The following UNC45A variants were observed in gnomAD, a reference collection of about 807,000 sequenced individuals.
UNC45A encodes the protein protein unc-45 homolog A.
Under a neutral mutation model 103.2 loss-of-function variants are expected in UNC45A, and 78 were observed. The observed-to-expected ratio is 0.76, with a 90% CI of 0.63 to 0.91. UNC45A has a LOEUF of 0.91. UNC45A is among the 40% of genes least tolerant of loss of function. The pLI, the probability that UNC45A is intolerant of heterozygous loss-of-function variation, is 0.00. For missense variants in UNC45A, 1,193 were observed against 1,224.8 expected, an observed-to-expected ratio of 0.97 and a Z score of 0.39; for synonymous variants, 495 against 504.6, an observed-to-expected ratio of 0.98 and a Z score of 0.25.
chr15:90,932,405 G>T, upstream of UNC45A: 1 of 1,302,492 alleles, frequency 7.7e-7, no homozygotes. Context: ...GCCGCAGCCG[G>T]CGCTCCGCGG....
chr15:90,936,607 A>C, intron 4 of UNC45A, 147 bp downstream of exon 4: 1 of 927,496 alleles, frequency 1.1e-6, no homozygotes, highest in East Asian at 2.7e-5. Context: ...ATGACAGCAC[A>C]TTACTGTTGA....
At chr15:90,940,172 G>A (rs542382964) in intron 5 of UNC45A, 134 bp from the exon 6 acceptor site, 9 of 943,882 alleles carry the variant, frequency 9.5e-6, no homozygotes, top group African/African-American at 3.3e-5. Context: ...ACTTCAAAGA[G>A]GTTATTTTTT....
In UNC45A at chr15:90,935,391, C is replaced by A; in HGVS notation, c.51+16C>A. ...CACCCCCGGGGTGCGTACCCAACCCCCGCGCCATCACCCCTTCGCACCCGC... is the reference window on the plus strand; with the variant it reads ...CACCCCCGGGGTGCGTACCCAACCCACGCGCCATCACCCCTTCGCACCCGC... On this transcript the variant is annotated intron_variant, in intron 1 of 19. Coordinates refer to ENST00000418476, the MANE Select transcript of UNC45A (RefSeq NM_018671.5). 1 of 1,588,470 alleles carries A rather than the reference C, an allele frequency of 6.3e-7. No homozygotes were observed. Among genetic ancestry groups the A allele is most frequent in the East Asian group, 2.3e-5 (1 of 43,520 alleles).
In UNC45A at chr15:90,953,862, C is replaced by T. The variant is rs2037073747; in HGVS notation, c.*146C>T. On this transcript the variant is annotated 3_prime_UTR_variant, in exon 20 of 20. Transcript: ENST00000418476. The stretch of plus-strand genomic sequence containing the variant: ...TTGCTGCCCTAGGATGTCCTCTGTT[C>T]TGAGTCAGCGGCCACGTTCAGTCAC... The T allele has an allele frequency of 8.1e-7, 1 of 1,235,368 alleles. No individual in the cohort carries two copies. The highest frequency in any genetic ancestry group is 2.3e-5 in the Admixed American group (1 of 42,568). The allele number at this position is 1,235,368 out of a possible 1,614,324, so 76.5% of individuals were successfully genotyped here. A position where few individuals can be genotyped will look rare whatever the true frequency, so the allele number is the denominator to read the frequency against.
Position 90,940,468 on chromosome 15 carries a change from T to C in UNC45A, c.682T>C (p.Ser228Pro), listed in dbSNP as rs758414051. The C allele has an allele frequency of 2.5e-6, 4 of 1,612,602 alleles. No individual in the cohort carries two copies. In the South Asian group the frequency reaches 4.4e-5, roughly 18 times the overall value. Residue 228 changes from serine (S) to proline (P), a missense_variant, in exon 6 of 20, where the codon TCA becomes CCA. Coordinates refer to ENST00000418476, the MANE Select transcript of UNC45A (RefSeq NM_018671.5). ...TLVGICSEHQ[S>P]RTVATLSILG... is the part of the protein sequence containing the mutation. The stretch of plus-strand genomic sequence containing the variant: ...GGTTGGCATTTGCTCTGAGCATCAG[T>C]CACGGGTAGGTGGAGTGGAGAGGCT...
chr15:90,935,491 C>T (rs1010419476), intron 1 of UNC45A, 53 bp from the exon 2 acceptor site: 12 of 1,572,996 alleles, frequency 7.6e-6, no homozygotes, highest in African/African-American at 6.8e-5. Flanking sequence ...CCCTTAGCTC[C>T]CGGGCTCTGC....
At chr15:90,946,522 G>C in intron 9 of UNC45A, 92 bp from the exon 10 acceptor site, 2 of 1,403,322 alleles carry the variant, frequency 1.4e-6, no homozygotes, top group Non-Finnish European at 1.9e-6. Context: ...TGCCCAAGTA[G>C]TGCAGGTGCC....
upstream of UNC45A, chr15:90,932,672 T>G: frequency 8.4e-6 from 4 of 477,544 alleles, no homozygotes; most frequent in Non-Finnish European, 1.3e-5. Flanking sequence ...CCCAGATGAA[T>G]TCCTCTGGAG....
At position 90,937,312 on chromosome 15, in the gene UNC45A, C is replaced by T. The variant is rs542826086; in HGVS notation, c.426+852C>T. Among the ~76,000 whole-genome samples, 3 of 152,244 alleles carry T rather than the reference C, an allele frequency of 2.0e-5. No individual in the cohort carries two copies. The South Asian group carries it at 6.2e-4, about 32-fold the overall frequency. On this transcript the variant is annotated intron_variant, in intron 4 of 19. Coordinates refer to ENST00000418476, the MANE Select transcript of UNC45A (RefSeq NM_018671.5). ...AGTGAGCTATGATCGTGCCACTGCA[C>T]TCCAGCCTGGCTGACAGAGTGAGGC...
chr15:90,951,010 GTTT>G (rs552888103), intron 17 of UNC45A, among the ~76,000 whole-genome samples: 13 of 151,348 alleles, frequency 8.6e-5, no homozygotes, highest in Admixed American at 2.6e-4. Context: ...GTATATTTTA[GTTT>G]TTTTTTTTCT....
rs143665832 is a variant in UNC45A, at chr15:90,949,257, G to C, written c.1879-59G>C. On this transcript the variant is annotated intron_variant, in intron 13 of 19. Transcript: ENST00000418476. ...GTTCCTCAATTACTGCTGTGAGAAG[G>C]GTCCCCCTTTCTCTGTGAGTCAGCC... 2.5e-4 allele frequency: 398 copies of C among 1,567,532 alleles called. 2 individuals carry two copies. The East Asian group carries it at 7.7e-3, about 30-fold the overall frequency.
In UNC45A at chr15:90,954,008, T is replaced by C. The variant is rs2037081933; in HGVS notation, c.*292T>C. ...AACACAGCCTGTGGATCCTGGGGCA[T>C]CTGGAAGGGCGCACACATCAGCAGC... On this transcript the variant is annotated 3_prime_UTR_variant, in exon 20 of 20. Transcript: ENST00000418476. The C allele has an allele frequency of 4.3e-6, 2 of 459,802 alleles. No individual in the cohort carries two copies. Among genetic ancestry groups the C allele is most frequent in the Non-Finnish European group, 8.0e-6 (2 of 249,224 alleles). The allele number at this position is 459,802 out of a possible 1,614,324, so 28.5% of individuals were successfully genotyped here.
intron 17 of UNC45A, among the ~76,000 whole-genome samples, chr15:90,950,914 C>T (rs2036870811): frequency 6.6e-6 from 1 of 152,216 alleles, no homozygotes; most frequent in Admixed American, 6.5e-5. Context: ...TACCTCATGG[C>T]ATAGTGATGA....
At chr15:90,935,450 T>C in intron 1 of UNC45A, 75 bp downstream of exon 1, 14 of 1,576,668 alleles carry the variant, frequency 8.9e-6, no homozygotes, top group Non-Finnish European at 1.0e-5. Context: ...TCCCCATCCA[T>C]GAGGCTCGCC....
At chr15:90,934,399 C>G (rs1011005694), upstream of UNC45A, 8 of 399,012 alleles carry the variant, frequency 2.0e-5, no homozygotes, top group Non-Finnish European at 3.5e-5. Flanking sequence ...CGTCACTACC[C>G]TGGTTTCTTT....
chr15:90,944,699 C>T (rs1304505439), intron 8 of UNC45A, among the ~76,000 whole-genome samples, 193 bp from the exon 9 acceptor site: 3 of 152,248 alleles, frequency 2.0e-5, no homozygotes. Flanking sequence ...TTCTGAGGTC[C>T]TTCCCGATCC....
At chr15:90,947,290 G>T (rs932801633) in intron 10 of UNC45A, 3 of 278,748 alleles carry the variant, frequency 1.1e-5, no homozygotes, top group Non-Finnish European at 2.1e-5. Context: ...CAGGGGTCAT[G>T]CAGTGTTCCT....
upstream of UNC45A, chr15:90,935,216 C>A: frequency 1.7e-6 from 2 of 1,161,308 alleles, no homozygotes; most frequent in Non-Finnish European, 2.5e-6. Flanking sequence ...CTCTCTGACC[C>A]CACCTCCGAC....
chr15:90,941,262 T>C (rs1008878950), intron 6 of UNC45A, among the ~76,000 whole-genome samples: 3 of 152,020 alleles, frequency 2.0e-5, no homozygotes, highest in Admixed American at 2.0e-4. Flanking sequence ...GACATGATTC[T>C]CAGCATGGAT....
Sources: allele counts gnomAD v4.1 joint callset (sites outside exome capture counted in the v4.1 genomes callset), GRCh38; gene constraint gnomAD v4.1.1; transcripts MANE v1.5; gene names NCBI Gene and HGNC (gene_info 2026-07-23, HGNC 2026-07-21).